The following OTP variants were observed in gnomAD, a reference collection of about 807,000 sequenced individuals.
The protein encoded by OTP is homeobox protein orthopedia.
A neutral mutation model predicts 22.3 loss-of-function variants in OTP; 5 were observed. The ratio of observed to expected loss-of-function variants is 0.22; its 90% CI spans 0.12 to 0.47. The LOEUF (loss-of-function observed/expected upper bound fraction) is 0.47, where lower values mean the gene tolerates loss of function less well. Ranked by LOEUF, OTP falls within the 20% of genes least tolerant of loss-of-function variation. OTP has a pLI of 0.99. For missense variants in OTP, 428 were observed against 456.2 expected (o/e 0.94, Z 0.56); for synonymous variants, 229 against 210.6 (o/e 1.09, Z -0.76).
intron 2 of OTP, 31 bp from the exon 3 acceptor site, chr5:77,630,825 G>A (rs1271835021): frequency 1.3e-6 from 2 of 1,505,908 alleles, no homozygotes; most frequent in African/African-American, 1.4e-5. Context: ...GACAGACAGG[G>A]AGCTATTAGC....
rs1744970484 is a variant in OTP, at chr5:77,634,014, CCCT to C, written c.447+2804_447+2806del. Among the ~76,000 whole-genome samples, 10 of 152,116 alleles carry C rather than the reference CCCT, an allele frequency of 6.6e-5. No individual in the cohort carries two copies. In the South Asian group the frequency reaches 2.1e-3, roughly 32 times the overall value. Reference sequence around the variant, plus strand: ...ACTAGAAAATACTCTCAGTTTGTCCCCCTATTAAGATGTGGCAGGTGACAGGGC... The same window carrying C: ...ACTAGAAAATACTCTCAGTTTGTCCCATTAAGATGTGGCAGGTGACAGGGC... On this transcript the variant is annotated intron_variant, in intron 2 of 2. Transcript: ENST00000306422.
rs751301892 is a variant in OTP, at chr5:77,637,131, G to A, written c.137C>T (p.Ala46Val). Residue 46 changes from alanine (A) to valine (V), a missense_variant, in exon 2 of 3, where the codon GCG (alanine) becomes GTG (valine). Ala to Val is a moderately conservative substitution (Grantham distance 64). This residue lies in a region of OTP where 176 missense variants were observed against 162.9 expected (regional missense o/e 1.08). Coordinates refer to ENST00000306422, the MANE Select transcript of OTP (RefSeq NM_032109.3). ...TCCCTCCACTGGGTCAGAGTTGGGC[G>A]CCAGGTCCCCCGGATGGCCCCCGGG... is the stretch of plus-strand genomic sequence containing the variant. ...SDPGGHPGDL[A>V]PNSDPVEGAT... 5.0e-6 allele frequency: 8 copies of A among 1,605,712 alleles called. No homozygotes were observed. In the South Asian group the frequency reaches 5.5e-5, roughly 11 times the overall value.
At position 77,630,453 on chromosome 5, in the gene OTP, C is replaced by G; in HGVS notation, c.789G>C (p.Gly263=). The change falls in exon 3 of 3, where the codon GGG becomes GGC. Residue 263 remains glycine (G), a synonymous_variant. Coordinates refer to ENST00000306422, the MANE Select transcript of OTP (RefSeq NM_032109.3). ...CGGGCTGGTAGAGGTGCGACTGCAG[C>G]CCCGCGCCGTTGGAACCCGCCAGGC... ...SNSLAGSNGA[G]LQSHLYQPAF... 3 of 1,583,758 alleles carry G rather than the reference C, an allele frequency of 1.9e-6. No homozygotes were observed. The highest frequency in any genetic ancestry group is 2.6e-6 in the Non-Finnish European group (3 of 1,166,832).
At chr5:77,635,650 T>C (rs930788147) in intron 2 of OTP, among the ~76,000 whole-genome samples, 3 of 152,234 alleles carry the variant, frequency 2.0e-5, no homozygotes, top group African/African-American at 7.2e-5. Context: ...GACGTTCTCA[T>C]TGCTTACTTC....
At chr5:77,630,947 C>T (rs980209456) in intron 2 of OTP, among the ~76,000 whole-genome samples, 153 bp from the exon 3 acceptor site, 1 of 152,224 alleles carries the variant, frequency 6.6e-6, no homozygotes, top group Non-Finnish European at 1.5e-5. Context: ...CCATACCCAG[C>T]CGGAGACTGT....
At chr5:77,633,337 A>T (rs570390298) in intron 2 of OTP, among the ~76,000 whole-genome samples, 1 of 152,126 alleles carries the variant, frequency 6.6e-6, no homozygotes, top group Non-Finnish European at 1.5e-5. Flanking sequence ...ATGGCTACAA[A>T]TTTTTTTATG....
chr5:77,638,663 A>G lies in OTP; in HGVS notation c.-114T>C, dbSNP rs1458463258. 9.8e-7 allele frequency: 1 copy of G among 1,021,958 alleles called. No homozygotes were observed. The highest frequency in any genetic ancestry group is 1.3e-6 in the Non-Finnish European group (1 of 744,454). The allele number at this position is 1,021,958 out of a possible 1,614,324, so 63.3% of individuals were successfully genotyped here. On this transcript the variant is annotated 5_prime_UTR_variant, in exon 1 of 3. Coordinates refer to ENST00000306422, the MANE Select transcript of OTP (RefSeq NM_032109.3). ...ATATAGATATATATAGATCACCTAA[A>G]TGAAAGAAAATTCGGTTTGTGGTTA...
At chr5:77,637,331 G>T (rs1745026350) in intron 1 of OTP, 101 bp from the exon 2 acceptor site, 2 of 1,329,592 alleles carry the variant, frequency 1.5e-6, no homozygotes, top group East Asian at 2.5e-5. Flanking sequence ...GGCCCCCTCC[G>T]CACCCGCGCT....
At chr5:77,635,130 A>G (rs1246136639) in intron 2 of OTP, among the ~76,000 whole-genome samples, 3 of 152,172 alleles carry the variant, frequency 2.0e-5, no homozygotes, top group African/African-American at 7.2e-5. Flanking sequence ...ACTAATTGCC[A>G]GTATATCTAG....
intron 2 of OTP, among the ~76,000 whole-genome samples, chr5:77,634,569 G>A (rs72770974): frequency 0.014 from 2,207 of 152,260 alleles, 15 homozygotes; most frequent in Middle Eastern, 0.034. Flanking sequence ...AAGAATGTGT[G>A]GCAGTCTGTT....
At chr5:77,630,936 C>T in intron 2 of OTP, 142 bp from the exon 3 acceptor site, 1 of 969,644 alleles carries the variant, frequency 1.0e-6, no homozygotes, top group Non-Finnish European at 1.5e-6. Flanking sequence ...CCGACAAGCC[C>T]CCATACCCAG....
rs1350629520 is a variant in OTP at position 77,630,504 on chromosome 5, C to A, written c.738G>T (p.Pro246=). Reference sequence around the variant, plus strand: ...TGTTGGACAGGCCCATGGAGTTGGGCGGCGGACCGGCCGCCAGGCTGCACT... The same window carrying A: ...TGTTGGACAGGCCCATGGAGTTGGGAGGCGGACCGGCCGCCAGGCTGCACT... ...LSQCSLAAGP[P]PNSMGLSNSL... is the part of the protein sequence containing the mutation. The change falls in exon 3 of 3, where the codon CCG becomes CCT. Residue 246 remains proline (P), a synonymous_variant. Transcript: ENST00000306422. 1 of 1,591,980 alleles carries A rather than the reference C, an allele frequency of 6.3e-7. No homozygotes were observed. Among genetic ancestry groups the A allele is most frequent in the Non-Finnish European group, 8.5e-7 (1 of 1,171,614 alleles).
chr5:77,630,867 C>T, intron 2 of OTP, 73 bp from the exon 3 acceptor site: 2 of 1,415,040 alleles, frequency 1.4e-6, no homozygotes, highest in Non-Finnish European at 1.9e-6. Context: ...GGGGCTTGAG[C>T]CCCAGAAACC....
intron 2 of OTP, among the ~76,000 whole-genome samples, chr5:77,631,551 C>CTTTTT (rs70988699): frequency 0.011 from 836 of 74,184 alleles, 8 homozygotes; most frequent in Non-Finnish European, 0.014. Context: ...CAACCCTATT[C>CTTTTT]TTTTTTTTTT....
chr5:77,631,461 G>A (rs1214470547), intron 2 of OTP, among the ~76,000 whole-genome samples: 1 of 151,440 alleles, frequency 6.6e-6, no homozygotes, highest in African/African-American at 2.4e-5. Context: ...ACAACTCTCC[G>A]TGCCTCATTC....
At chr5:77,634,801 A>T (rs1744983642) in intron 2 of OTP, among the ~76,000 whole-genome samples, 1 of 152,190 alleles carries the variant, frequency 6.6e-6, no homozygotes, top group Non-Finnish European at 1.5e-5. Flanking sequence ...CATTATTTTT[A>T]AAAATATTGA....
intron 2 of OTP, among the ~76,000 whole-genome samples, chr5:77,634,413 A>G (rs1187259899): frequency 6.6e-6 from 1 of 152,326 alleles, no homozygotes; most frequent in South Asian, 2.1e-4. Context: ...TAAATACTTA[A>G]AAGTGTGATA....
chr5:77,638,629 A>C lies in OTP; in HGVS notation c.-80T>G. On this transcript the variant is annotated 5_prime_UTR_variant, in exon 1 of 3. Coordinates refer to ENST00000306422, the MANE Select transcript of OTP (RefSeq NM_032109.3). ...TTATTTAAAATAGATATAAGCTATA[A>C]GCTATACGATATAGATATATATAGA... 7.4e-7 allele frequency: 1 copy of C among 1,342,606 alleles called. No individual in the cohort carries two copies. The highest frequency in any genetic ancestry group is 2.5e-5 in the East Asian group (1 of 39,470). 83.2% of individuals were successfully genotyped at this position (1,342,606 alleles called of 1,614,324 possible). A position where few individuals can be genotyped will look rare whatever the true frequency, so the allele number is the denominator to read the frequency against.
chr5:77,631,817 C>T (rs545177793), intron 2 of OTP, among the ~76,000 whole-genome samples: 94 of 152,102 alleles, frequency 6.2e-4, no homozygotes, highest in Non-Finnish European at 1.0e-3. Flanking sequence ...CCCGCCTCGG[C>T]CTCCCAAAGT....
Sources: gnomAD v4.1 joint callset for allele counts (sites outside exome capture counted in the v4.1 genomes callset) on GRCh38, gnomAD v4.1.1 for gene constraint, gnomAD v4.1.1 regional missense constraint, MANE v1.5 for transcripts, NCBI Gene and HGNC (gene_info 2026-07-23, HGNC 2026-07-21) for gene names.